The following MAP3K10 variants were observed in gnomAD, a reference collection of about 807,000 sequenced individuals.
MAP3K10 encodes the protein mitogen-activated protein kinase kinase kinase 10.
Under a neutral mutation model 75.0 loss-of-function variants are expected in MAP3K10, and 22 were observed. The observed-to-expected ratio is 0.29, with a 90% CI of 0.21 to 0.42. The LOEUF (loss-of-function observed/expected upper bound fraction) is 0.42. MAP3K10 is among the 10% of genes least tolerant of loss of function. MAP3K10 has a pLI of 1.00. For synonymous variants in MAP3K10, 599 were observed against 612.9 expected (o/e 0.98, Z 0.34); for missense variants, 1,165 against 1,379.8 (o/e 0.84, Z 2.47).
chr19:40,213,816 C>T lies in MAP3K10; in HGVS notation c.2137C>T (p.Arg713Cys). Residue 713 changes from arginine (R) to cysteine (C), a missense_variant, in exon 9 of 10, where the codon CGC (arginine) becomes TGC (cysteine). Transcript: ENST00000253055. The surrounding 1 kb of genome is among the most constrained non-coding windows in gnomAD (Gnocchi z 5.7). ...CTGGCTCGACGGCCTCTTCTTTCCCCGCGCCGGCCGCTTCCCGCGGGGCCT... is the reference window on the plus strand; with the variant it reads ...CTGGCTCGACGGCCTCTTCTTTCCCTGCGCCGGCCGCTTCCCGCGGGGCCT... ...RRWLDGLFFP[R>C]AGRFPRGLSP... 4 of 1,294,770 alleles carry T rather than the reference C, an allele frequency of 3.1e-6. No homozygotes were observed. The highest frequency in any genetic ancestry group is 2.9e-6 in the Non-Finnish European group (3 of 1,018,314). The allele number at this position is 1,294,770 out of a possible 1,614,324, so 80.2% of individuals were successfully genotyped here.
chr19:40,200,683 A>G (rs1973001019), intron 2 of MAP3K10, among the ~76,000 whole-genome samples: 2 of 147,452 alleles, frequency 1.4e-5, no homozygotes, highest in South Asian at 4.3e-4. Context: ...CAATGGCACA[A>G]TCTCAGCTCA....
chr19:40,211,598 G>C (rs1258008610), intron 6 of MAP3K10, among the ~76,000 whole-genome samples: 1 of 146,508 alleles, frequency 6.8e-6, no homozygotes, highest in Admixed American at 7.1e-5. Flanking sequence ...TATTTGCTCA[G>C]CTCTCACTTA....
chr19:40,201,236 G>C (rs1037856808), intron 2 of MAP3K10, among the ~76,000 whole-genome samples: 1 of 149,644 alleles, frequency 6.7e-6, no homozygotes, highest in East Asian at 2.0e-4. Flanking sequence ...ACAGCGGCGC[G>C]ATCTTGGCTC....
chr19:40,204,419 AG>A lies in MAP3K10; in HGVS notation c.864-63del. On this transcript the variant is annotated intron_variant, in intron 2 of 9. Coordinates refer to ENST00000253055, the MANE Select transcript of MAP3K10 (RefSeq NM_002446.4). The surrounding 1 kb of genome is among the most constrained non-coding windows in gnomAD (Gnocchi z 4.3). ...GGCAGCCCTGCATGGGACCAAGGGC[AG>A]GGCTGGGTATAGGTGAGGATTGGGG... The A allele has an allele frequency of 1.3e-6, 2 of 1,553,674 alleles. No individual in the cohort carries two copies. Among genetic ancestry groups the A allele is most frequent in the Non-Finnish European group, 1.7e-6 (2 of 1,148,586 alleles).
At chr19:40,203,359 T>A (rs1041360993) in intron 2 of MAP3K10, among the ~76,000 whole-genome samples, 17 of 150,156 alleles carry the variant, frequency 1.1e-4, no homozygotes, top group Admixed American at 1.1e-3. Flanking sequence ...ATATGTTGAA[T>A]GAATGCATGA....
chr19:40,196,032 A>G (rs975984361), intron 1 of MAP3K10, among the ~76,000 whole-genome samples: 3 of 152,188 alleles, frequency 2.0e-5, no homozygotes, highest in Non-Finnish European at 2.9e-5. Context: ...TAAAGGCCCT[A>G]TTGCTTCAGG....
Position 40,215,452 on chromosome 19 carries a change from C to T in MAP3K10, c.*160C>T. ...GGGACACTTAACTTATTCCTTTGTA[C>T]CCCAGGGGGTGGAGCCCTGTGCCCA... is the stretch of plus-strand genomic sequence containing the variant. On this transcript the variant is annotated 3_prime_UTR_variant, in exon 10 of 10. Coordinates refer to ENST00000253055, the MANE Select transcript of MAP3K10 (RefSeq NM_002446.4). 1.4e-5 allele frequency: 10 copies of T among 701,280 alleles called. No individual in the cohort carries two copies. Among genetic ancestry groups the T allele is most frequent in the Non-Finnish European group, 2.1e-5 (9 of 429,020 alleles). 43.4% of individuals were successfully genotyped at this position (701,280 alleles called of 1,614,324 possible).
In MAP3K10 at chr19:40,204,750, G is replaced by A; in HGVS notation, c.1012+117G>A. 1 of 1,273,692 alleles carries A rather than the reference G, an allele frequency of 7.9e-7. No homozygotes were observed. The highest frequency in any genetic ancestry group is 1.1e-6 in the Non-Finnish European group (1 of 942,484). 78.9% of individuals were successfully genotyped at this position (1,273,692 alleles called of 1,614,324 possible). On this transcript the variant is annotated intron_variant, in intron 3 of 9. Transcript: ENST00000253055. The surrounding 1 kb of genome is among the most constrained non-coding windows in gnomAD (Gnocchi z 4.3). ...AGTGGGCCCAGGAGTGAGGAAGAAG[G>A]GGCTGGAACCCACTGGACTCTAAAC... is the stretch of plus-strand genomic sequence containing the variant.
intron 2 of MAP3K10, among the ~76,000 whole-genome samples, chr19:40,203,805 C>G (rs1020460650): frequency 9.9e-5 from 15 of 152,184 alleles, no homozygotes; most frequent in Non-Finnish European, 1.8e-4. Context: ...GGAGGGGCCT[C>G]TAACCTAGCT....
intron 6 of MAP3K10, 98 bp downstream of exon 6, chr19:40,209,317 G>A: frequency 1.2e-6 from 1 of 839,020 alleles, no homozygotes; most frequent in Non-Finnish European, 1.9e-6. Context: ...GTAACAGCAA[G>A]AAAGAAGACA....
intron 9 of MAP3K10, 63 bp from the exon 10 acceptor site, chr19:40,214,907 C>G: frequency 1.3e-6 from 1 of 749,442 alleles, no homozygotes; most frequent in South Asian, 1.6e-5. Context: ...TGTAACAGCT[C>G]TGGGCTTTTT....
intron 5 of MAP3K10, 118 bp from the exon 6 acceptor site, chr19:40,208,985 G>A: frequency 2.7e-6 from 2 of 739,944 alleles, no homozygotes; most frequent in South Asian, 1.6e-5. Flanking sequence ...ACTGCATTAA[G>A]GAATGAAAAA....
rs142262371 is a variant in MAP3K10, at chr19:40,204,799, C to A, written c.1012+166C>A. Reference sequence around the variant, plus strand: ...ACAGCCTCCCCATGGTTGGCTCCATCCCCCACATCCCAGCCCTTGTTTGGG... The same window carrying A: ...ACAGCCTCCCCATGGTTGGCTCCATACCCCACATCCCAGCCCTTGTTTGGG... On this transcript the variant is annotated intron_variant, in intron 3 of 9. Coordinates refer to ENST00000253055, the MANE Select transcript of MAP3K10 (RefSeq NM_002446.4). This position sits in a 1 kb window ranked among gnomAD's most constrained non-coding sequence, Gnocchi z 4.3. 666 of 811,676 alleles carry A rather than the reference C, an allele frequency of 8.2e-4. 3 individuals carry two copies. Among genetic ancestry groups the A allele is most frequent in the African/African-American group, 6.5e-3 (374 of 57,888 alleles). 50.3% of individuals were successfully genotyped at this position (811,676 alleles called of 1,614,324 possible).
intron 1 of MAP3K10, among the ~76,000 whole-genome samples, chr19:40,196,295 T>C (rs1341295116): frequency 6.6e-6 from 1 of 152,170 alleles, no homozygotes; most frequent in Non-Finnish European, 1.5e-5. Flanking sequence ...TGTCCTGCCA[T>C]TTTCTAACCA....
Position 40,213,199 on chromosome 19 carries a change from G to C in MAP3K10, c.1837+11G>C, listed in dbSNP as rs1316161353. The C allele has an allele frequency of 3.2e-6, 5 of 1,558,184 alleles. No homozygotes were observed. Among genetic ancestry groups the C allele is most frequent in the Non-Finnish European group, 4.3e-6 (5 of 1,150,970 alleles). On this transcript the variant is annotated intron_variant, in intron 8 of 9. Coordinates refer to ENST00000253055, the MANE Select transcript of MAP3K10 (RefSeq NM_002446.4). This position sits in a 1 kb window ranked among gnomAD's most constrained non-coding sequence, Gnocchi z 5.7. Reference sequence around the variant, plus strand: ...GCCTCAATGAGATGGGTAAGAGCCTGGGTTCTTGTAAGGGGGTGGGGGTTC... The same window carrying C: ...GCCTCAATGAGATGGGTAAGAGCCTCGGTTCTTGTAAGGGGGTGGGGGTTC...
In MAP3K10 at chr19:40,204,415, G is replaced by C; in HGVS notation, c.864-70G>C. 6.5e-7 allele frequency: 1 copy of C among 1,542,718 alleles called. No homozygotes were observed. The highest frequency in any genetic ancestry group is 8.8e-7 in the Non-Finnish European group (1 of 1,141,126). ...TGAGGGCAGCCCTGCATGGGACCAAGGGCAGGGCTGGGTATAGGTGAGGAT... is the reference window on the plus strand; with the variant it reads ...TGAGGGCAGCCCTGCATGGGACCAACGGCAGGGCTGGGTATAGGTGAGGAT... On this transcript the variant is annotated intron_variant, in intron 2 of 9. Coordinates refer to ENST00000253055, the MANE Select transcript of MAP3K10 (RefSeq NM_002446.4). The surrounding 1 kb of genome is among the most constrained non-coding windows in gnomAD (Gnocchi z 4.3).
rs761486459 is a variant in MAP3K10 at position 40,192,361 on chromosome 19, C to G, written c.330C>G (p.Gly110=). ...LEEIIGVGGF[G]KVYRALWRGE... Reference sequence around the variant, plus strand: ...AGATCATCGGTGTGGGGGGCTTTGGCAAGGTCTATCGGGCCCTGTGGCGTG... The same window carrying G: ...AGATCATCGGTGTGGGGGGCTTTGGGAAGGTCTATCGGGCCCTGTGGCGTG... The change falls in exon 1 of 10, where the codon GGC becomes GGG. Residue 110 remains glycine (G), a synonymous_variant. Coordinates refer to ENST00000253055, the MANE Select transcript of MAP3K10 (RefSeq NM_002446.4). This position sits in a 1 kb window ranked among gnomAD's most constrained non-coding sequence, Gnocchi z 7.1. 3 of 1,613,670 alleles carry G rather than the reference C, an allele frequency of 1.9e-6. No homozygotes were observed. The highest frequency in any genetic ancestry group is 2.5e-6 in the Non-Finnish European group (3 of 1,179,918).
rs1973291706 is a variant in MAP3K10, at chr19:40,213,866, C to T, written c.2187C>T (p.Gly729=). Residue 729 remains glycine (G), a synonymous_variant, in exon 9 of 10, where the codon GGC becomes GGT. Transcript: ENST00000253055. The surrounding 1 kb of genome is among the most constrained non-coding windows in gnomAD (Gnocchi z 5.7). ...TCAGCCCACCCGCGCGTCCCCACGG[C>T]CGCCGCGAAGACGTGGGCCCCGGCC... ...RGLSPPARPH[G]RREDVGPGLG... is the part of the protein sequence containing the mutation. 5.0e-6 allele frequency: 7 copies of T among 1,409,814 alleles called. No homozygotes were observed. Among genetic ancestry groups the T allele is most frequent in the Non-Finnish European group, 6.4e-6 (7 of 1,088,698 alleles). 87.3% of individuals were successfully genotyped at this position (1,409,814 alleles called of 1,614,324 possible).
In MAP3K10 at chr19:40,215,481, T is replaced by TCCCC; in HGVS notation, c.*189_*190insCCCC. ...AGGGGGTGGAGCCCTGTGCCCACCCTGCACTGGGGGGAGGGTGGGCAGGGA... is the reference window on the plus strand; with the variant it reads ...AGGGGGTGGAGCCCTGTGCCCACCCTCCCCGCACTGGGGGGAGGGTGGGCAGGGA... On this transcript the variant is annotated 3_prime_UTR_variant, in exon 10 of 10. Coordinates refer to ENST00000253055, the MANE Select transcript of MAP3K10 (RefSeq NM_002446.4). 3.4e-6 allele frequency: 2 copies of TCCCC among 596,442 alleles called. No individual in the cohort carries two copies. Among genetic ancestry groups the TCCCC allele is most frequent in the Non-Finnish European group, 5.9e-6 (2 of 341,354 alleles). The allele number at this position is 596,442 out of a possible 1,614,324, so 36.9% of individuals were successfully genotyped here.
Sources: gnomAD v4.1 joint callset for allele counts (sites outside exome capture counted in the v4.1 genomes callset) on GRCh38, gnomAD v4.1.1 for gene constraint, Gnocchi (gnomAD v3.1) non-coding constraint, MANE v1.5 for transcripts, NCBI Gene and HGNC (gene_info 2026-07-23, HGNC 2026-07-21) for gene names.